The following PTPRZ1 variants were observed in gnomAD, a reference collection of about 807,000 sequenced individuals.
PTPRZ1 encodes receptor-type tyrosine-protein phosphatase zeta.
PTPRZ1 carries 82 observed loss-of-function variants against 214.1 expected under a neutral mutation model. That is an observed-to-expected ratio of 0.38 (90% CI 0.32 to 0.46). The LOEUF (loss-of-function observed/expected upper bound fraction) is 0.46, where lower values mean the gene tolerates loss of function less well. Among genes scored for constraint, PTPRZ1 ranks in the 20% least tolerant of loss-of-function variants. PTPRZ1 has a pLI of 1.00. For synonymous variants in PTPRZ1, 945 were observed against 987.9 expected (o/e 0.96, Z 0.81); for missense variants, 2,603 against 2,748.7 (o/e 0.95, Z 1.19).
At position 122,001,183 on chromosome 7, in the gene PTPRZ1, A is replaced by T. The variant is rs571587502; in HGVS notation, c.1240+3177A>T. ...TAAGTATTATTTCAAATTGTCGTTT[A>T]AAAAAATGTGTAAGTTTGCGTTCAG... On this transcript the variant is annotated intron_variant, in intron 10 of 29. Transcript: ENST00000393386. Among the ~76,000 whole-genome samples, 371 of 152,260 alleles carry T rather than the reference A, an allele frequency of 2.4e-3. 1 individual carries two copies. Among genetic ancestry groups the T allele is most frequent in the South Asian group, 0.011 (52 of 4,822 alleles).
chr7:121,947,936 G>A (rs777168791), intron 2 of PTPRZ1, among the ~76,000 whole-genome samples: 5 of 152,164 alleles, frequency 3.3e-5, no homozygotes, highest in Non-Finnish European at 7.4e-5. Flanking sequence ...GGTAGCTGCT[G>A]TGAAATGTTT....
intron 8 of PTPRZ1, among the ~76,000 whole-genome samples, chr7:121,986,510 T>C (rs1186414593): frequency 2.0e-5 from 3 of 152,224 alleles, no homozygotes; most frequent in African/African-American, 7.2e-5. Flanking sequence ...CTTTCTTAAC[T>C]ACTTGGTGTT....
At chr7:121,874,234 ATATACT>A (rs1562994503) in intron 1 of PTPRZ1, among the ~76,000 whole-genome samples, 1 of 152,124 alleles carries the variant, frequency 6.6e-6, no homozygotes, top group African/African-American at 2.4e-5. Context: ...CTGCAGGTTG[ATATACT>A]TATTCACAGA....
At chr7:121,899,540 AT>A (rs1794898227) in intron 1 of PTPRZ1, among the ~76,000 whole-genome samples, 1 of 152,172 alleles carries the variant, frequency 6.6e-6, no homozygotes, top group African/African-American at 2.4e-5. Context: ...TTGTAGGGAC[AT>A]TATCTAGTTT....
At chr7:121,971,080 T>C (rs1797230592) in intron 3 of PTPRZ1, among the ~76,000 whole-genome samples, 1 of 152,208 alleles carries the variant, frequency 6.6e-6, no homozygotes. Flanking sequence ...CATTTCTTGT[T>C]TTTTTCAGGT....
intron 27 of PTPRZ1, among the ~76,000 whole-genome samples, chr7:122,057,645 C>CT (rs5887066): frequency 0.04 from 5,062 of 128,098 alleles, 128 homozygotes; most frequent in Middle Eastern, 0.06. Flanking sequence ...CTTTGTGATT[C>CT]TTTTTTTTTT....
At chr7:121,920,224 A>G (rs1795551206) in intron 1 of PTPRZ1, among the ~76,000 whole-genome samples, 1 of 152,196 alleles carries the variant, frequency 6.6e-6, no homozygotes, top group Non-Finnish European at 1.5e-5. Context: ...GGGGCACAGC[A>G]GATGTTCTTG....
chr7:122,060,060 T>C (rs2150497710), intron 29 of PTPRZ1, among the ~76,000 whole-genome samples, 172 bp downstream of exon 29: 1 of 152,306 alleles, frequency 6.6e-6, no homozygotes, highest in Non-Finnish European at 1.5e-5. Flanking sequence ...ATTTAAAATT[T>C]ATACTTCAGA....
At chr7:121,914,034 C>G (rs1795349469) in intron 1 of PTPRZ1, among the ~76,000 whole-genome samples, 1 of 152,166 alleles carries the variant, frequency 6.6e-6, no homozygotes, top group African/African-American at 2.4e-5. Context: ...AGAAACCTGG[C>G]CTGGTGTGGT....
intron 2 of PTPRZ1, among the ~76,000 whole-genome samples, chr7:121,949,681 G>T (rs1206197967): frequency 2.6e-5 from 4 of 152,156 alleles, no homozygotes; most frequent in African/African-American, 9.6e-5. Context: ...ATACATTCTA[G>T]GGAGACATGG....
intron 1 of PTPRZ1, chr7:121,908,892 T>C (rs750035310): frequency 7.8e-6 from 4 of 511,948 alleles, no homozygotes; most frequent in Admixed American, 2.0e-5. Context: ...GAATTTTTTA[T>C]TGAATATTCA....
intron 23 of PTPRZ1, among the ~76,000 whole-genome samples, chr7:122,046,161 C>CA (rs1791972186): frequency 6.6e-6 from 1 of 152,162 alleles, no homozygotes; most frequent in Admixed American, 6.6e-5. Context: ...AGGCCAGGTG[C>CA]AGTGGGTCAC....
chr7:121,896,170 T>A (rs1230799294), intron 1 of PTPRZ1, among the ~76,000 whole-genome samples: 2 of 152,254 alleles, frequency 1.3e-5, no homozygotes, highest in Non-Finnish European at 2.9e-5. Flanking sequence ...GTAGATGTTT[T>A]AAAATTTTAT....
intron 1 of PTPRZ1, among the ~76,000 whole-genome samples, chr7:121,885,025 A>G (rs900290827): frequency 6.6e-6 from 1 of 152,082 alleles, no homozygotes; most frequent in Non-Finnish European, 1.5e-5. Context: ...TGTATTACTC[A>G]CTTTAGGTTA....
intron 20 of PTPRZ1, 25 bp from the exon 21 acceptor site, chr7:122,040,788 CTGT>C (rs1799705195): frequency 1.7e-6 from 2 of 1,210,366 alleles, no homozygotes; most frequent in Non-Finnish European, 2.2e-6. Context: ...GTGTGTTTGA[CTGT>C]TATTAACTGT....
chr7:121,883,244 A>G (rs1427212963), intron 1 of PTPRZ1, among the ~76,000 whole-genome samples: 1 of 152,034 alleles, frequency 6.6e-6, no homozygotes, highest in Non-Finnish European at 1.5e-5. Flanking sequence ...AAAAATGATT[A>G]TTTTTTTTAG....
chr7:122,020,431 T>C (rs753870625), intron 13 of PTPRZ1, among the ~76,000 whole-genome samples: 2 of 152,106 alleles, frequency 1.3e-5, no homozygotes, highest in Admixed American at 1.3e-4. Context: ...TCAGGGCAAG[T>C]GTAAACTAAA....
At chr7:121,972,036 AG>A (rs1360272507) in intron 3 of PTPRZ1, among the ~76,000 whole-genome samples, 2 of 152,206 alleles carry the variant, frequency 1.3e-5, no homozygotes, top group East Asian at 1.9e-4. Flanking sequence ...TGCCACAGCC[AG>A]GGACCCAGGT....
At chr7:122,058,035 T>G (rs1251078977) in intron 27 of PTPRZ1, among the ~76,000 whole-genome samples, 2 of 151,598 alleles carry the variant, frequency 1.3e-5, no homozygotes, top group African/African-American at 4.8e-5. Context: ...TTTTATTCCA[T>G]TGGTCACTTT....
Sources: allele counts gnomAD v4.1 joint callset (sites outside exome capture counted in the v4.1 genomes callset), GRCh38; gene constraint gnomAD v4.1.1; transcripts MANE v1.5; gene names NCBI Gene and HGNC (gene_info 2026-07-23, HGNC 2026-07-21).